Variants in SH3KBP1 observed in about 807,000 individuals in gnomAD.
SH3KBP1 encodes the protein SH3 domain containing kinase binding protein 1, also known as SH3 domain-containing kinase-binding protein 1.
SH3KBP1 carries 8 observed loss-of-function variants against 50.1 expected under a neutral mutation model. The ratio of observed to expected loss-of-function variants is 0.16; its 90% CI spans 0.09 to 0.29. The LOEUF (loss-of-function observed/expected upper bound fraction) is 0.29. SH3KBP1 is among the 10% of genes least tolerant of loss of function. The pLI, the probability that SH3KBP1 is intolerant of heterozygous loss-of-function variation, is 1.00. For synonymous variants in SH3KBP1, 227 were observed against 218.6 expected (o/e 1.04, Z -0.34); for missense variants, 377 against 535.2 (o/e 0.70, Z 2.92).
At chrX:19,612,452 G>C (rs2067460211) in intron 8 of SH3KBP1, among the ~76,000 whole-genome samples, 1 of 111,174 alleles carries the variant, frequency 9.0e-6, no homozygotes, top group Admixed American at 9.6e-5. Context: ...TTTTAGTAGA[G>C]ATGAGGTTTC....
At chrX:19,863,138 A>G (rs1333293944) in intron 1 of SH3KBP1, among the ~76,000 whole-genome samples, 1 of 111,855 alleles carries the variant, frequency 8.9e-6, no homozygotes, top group Non-Finnish European at 1.9e-5. Flanking sequence ...TCTCTTTCCC[A>G]AAAGGGGCCC....
In SH3KBP1 at chrX:19,746,433, C is replaced by A; in HGVS notation, c.171G>T (p.Lys57Asn). The A allele has an allele frequency of 8.3e-7, 1 of 1,201,070 alleles. No individual in the cohort carries two copies. Among genetic ancestry groups the A allele is most frequent in the South Asian group, 1.8e-5 (1 of 54,567 alleles). The stretch of plus-strand genomic sequence containing the variant: ...TGAGAGGGTCTTTCTTCATCTCTTT[C>A]TTTATTTCCTGTGAGGACAGATAAA... ...LFPDNFVREI[K>N]KEMKKDPLTN... The change falls in exon 3 of 18, where the codon AAG (lysine) becomes AAT (asparagine). Residue 57 changes from lysine to asparagine, a missense_variant. Lys to Asn is a moderately conservative substitution (Grantham distance 94). Coordinates refer to ENST00000397821, the MANE Select transcript of SH3KBP1 (RefSeq NM_031892.3).
At chrX:19,879,236 C>A (rs1416665248) in intron 1 of SH3KBP1, among the ~76,000 whole-genome samples, 3 of 112,090 alleles carry the variant, frequency 2.7e-5, no homozygotes, top group Non-Finnish European at 5.6e-5. Context: ...CAGAGTGAGA[C>A]CCTGTCTCAA....
intron 1 of SH3KBP1, among the ~76,000 whole-genome samples, chrX:19,858,765 C>G (rs1468771418): frequency 8.9e-6 from 1 of 112,035 alleles, no homozygotes; most frequent in African/African-American, 3.2e-5. Flanking sequence ...TTCAACAAAA[C>G]AAAAATATAT....
At chrX:19,763,973 C>T (rs1396271659) in intron 2 of SH3KBP1, among the ~76,000 whole-genome samples, 1 of 102,403 alleles carries the variant, frequency 9.8e-6, no homozygotes, top group Non-Finnish European at 2.0e-5. Context: ...CTACAATTGC[C>T]CACTGCATTC....
At chrX:19,873,528 C>T (rs1301656325) in intron 1 of SH3KBP1, among the ~76,000 whole-genome samples, 7 of 103,135 alleles carry the variant, frequency 6.8e-5, no homozygotes, top group Non-Finnish European at 9.9e-5. Context: ...AAAAATTAGC[C>T]GGGCGAGGTG....
rs991805102 is a variant in SH3KBP1 at position 19,545,790 on chromosome X, T to C, written c.1623+132A>G. The C allele has an allele frequency of 9.5e-6, 7 of 739,690 alleles. No homozygotes were observed. In the African/African-American group the frequency reaches 1.5e-4, roughly 16 times the overall value. 61.0% of individuals were successfully genotyped at this position (739,690 alleles called of 1,213,427 possible). A position where few individuals can be genotyped will look rare whatever the true frequency, so the allele number is the denominator to read the frequency against. On this transcript the variant is annotated intron_variant, in intron 15 of 17. Transcript: ENST00000397821. ...CTGCAACATGCCTTGGGGATTTTGA[T>C]GAGTAACAGAATCGCTGTCACTGAA...
intron 8 of SH3KBP1, among the ~76,000 whole-genome samples, chrX:19,614,004 T>A (rs1176999339): frequency 8.8e-6 from 1 of 113,158 alleles, no homozygotes; most frequent in Non-Finnish European, 1.9e-5. Flanking sequence ...AGGGACAATG[T>A]GACCAGGAGA....
rs2064672250 is a variant in SH3KBP1 at position 19,535,035 on chromosome X, C to A, written c.*1382G>T. 1 of 297,460 alleles carries A rather than the reference C, an allele frequency of 3.4e-6. No homozygotes were observed. Among genetic ancestry groups the A allele is most frequent in the East Asian group, 4.7e-5 (1 of 21,074 alleles). 24.5% of individuals were successfully genotyped at this position (297,460 alleles called of 1,213,427 possible). The stretch of plus-strand genomic sequence containing the variant: ...GAGACAAAGCAGCTTTTGAGAAACA[C>A]ATCCAACATCTTCAGGGGCCATTAA... On this transcript the variant is annotated 3_prime_UTR_variant, in exon 18 of 18. Transcript: ENST00000397821.
At chrX:19,546,995 T>C (rs1227759084) in intron 14 of SH3KBP1, among the ~76,000 whole-genome samples, 2 of 109,662 alleles carry the variant, frequency 1.8e-5, no homozygotes, top group African/African-American at 3.3e-5. Flanking sequence ...CTACGAAAAA[T>C]ACAAAAATTG....
intron 8 of SH3KBP1, among the ~76,000 whole-genome samples, chrX:19,625,585 G>A (rs2067992566): frequency 8.9e-6 from 1 of 112,098 alleles, no homozygotes; most frequent in African/African-American, 3.2e-5. Flanking sequence ...AACCACCACA[G>A]TGATGTCCTG....
intron 2 of SH3KBP1, chrX:19,799,557 C>T: frequency 9.7e-7 from 1 of 1,028,828 alleles, no homozygotes; most frequent in Non-Finnish European, 1.4e-6. Flanking sequence ...TCCCTCCTGG[C>T]CTACAAAGTA....
intron 6 of SH3KBP1, among the ~76,000 whole-genome samples, chrX:19,647,495 C>CA (rs2062015647): frequency 9.0e-6 from 1 of 111,681 alleles, no homozygotes; most frequent in Admixed American, 9.5e-5. Flanking sequence ...CAGAAGGACA[C>CA]AAAAAAGTAA....
At chrX:19,604,653 T>G (rs1035930560) in intron 9 of SH3KBP1, among the ~76,000 whole-genome samples, 2 of 111,748 alleles carry the variant, frequency 1.8e-5, no homozygotes, top group African/African-American at 6.5e-5. Flanking sequence ...TTAATGATTC[T>G]AATCATCTTC....
chrX:19,811,068 G>A (rs1257838895), intron 2 of SH3KBP1, among the ~76,000 whole-genome samples: 1 of 111,849 alleles, frequency 8.9e-6, no homozygotes, highest in Non-Finnish European at 1.9e-5. Flanking sequence ...ACTTTCATAG[G>A]GCAGATGTAT....
chrX:19,844,828 C>T (rs1228714465), intron 1 of SH3KBP1, among the ~76,000 whole-genome samples: 1 of 112,338 alleles, frequency 8.9e-6, no homozygotes, highest in African/African-American at 3.2e-5. Context: ...GCCTGTAATC[C>T]CAGCACTTTG....
intron 7 of SH3KBP1, among the ~76,000 whole-genome samples, chrX:19,638,273 G>A (rs1482968414): frequency 1.0e-4 from 11 of 109,639 alleles, no homozygotes; most frequent in Admixed American, 8.7e-4. Context: ...AGCCGGGCAC[G>A]GTGGCGGGCG....
intron 2 of SH3KBP1, among the ~76,000 whole-genome samples, chrX:19,808,207 A>G (rs2067107334): frequency 9.0e-6 from 1 of 110,807 alleles, no homozygotes; most frequent in Non-Finnish European, 1.9e-5. Context: ...AAATATACAC[A>G]GCGGGCCTGT....
In SH3KBP1 at chrX:19,760,271, C is replaced by T. The variant is rs772886604; in HGVS notation, c.163-13830G>A. Among the ~76,000 whole-genome samples, 6 of 109,383 alleles carry T rather than the reference C, an allele frequency of 5.5e-5. No individual in the cohort carries two copies. In the South Asian group the frequency reaches 2.4e-3, roughly 44 times the overall value. 95.0% of individuals were successfully genotyped at this position (109,383 alleles called of 115,157 possible). A position where few individuals can be genotyped will look rare whatever the true frequency, so the allele number is the denominator to read the frequency against. ...GCGCGGTGGCAGGCGCCTGTAGTTC[C>T]AGCTACTCGGGAGGCTGAGGCAGAA... On this transcript the variant is annotated intron_variant, in intron 2 of 17. Transcript: ENST00000397821.
Sources: allele counts gnomAD v4.1 joint callset (sites outside exome capture counted in the v4.1 genomes callset), GRCh38; gene constraint gnomAD v4.1.1; transcripts MANE v1.5; gene names NCBI Gene and HGNC (gene_info 2026-07-23, HGNC 2026-07-21).